RNF13: variants seen among roughly 807,000 people sequenced by gnomAD.
RNF13 encodes the protein ring finger protein 13.
Under a neutral mutation model 37.7 loss-of-function variants are expected in RNF13, and 19 were observed. The ratio of observed to expected loss-of-function variants is 0.50; its 90% CI spans 0.35 to 0.74. The LOEUF is 0.74. Among genes scored for constraint, RNF13 ranks in the 30% least tolerant of loss-of-function variants. The pLI, the probability that RNF13 is intolerant of heterozygous loss-of-function variation, is 0.01. For synonymous variants in RNF13, 144 were observed against 157.8 expected (o/e 0.91, Z 0.65); for missense variants, 375 against 453.0 (o/e 0.83, Z 1.56).
At position 149,961,343 on chromosome 3, in the gene RNF13, GAA is replaced by G. The variant is rs142207471; in HGVS notation, c.*241_*242del. The G allele has an allele frequency of 2.1e-3, 1,294 of 630,900 alleles. 11 individuals carry two copies. The African/African-American group carries it at 0.022, about 11-fold the overall frequency. 39.1% of individuals were successfully genotyped at this position (630,900 alleles called of 1,614,324 possible). ...ATCAATTCAGCTCTTCTTTTGGAAT[GAA>G]AGTATAGCCAAAACATAAAAAAAAA... On this transcript the variant is annotated 3_prime_UTR_variant, in exon 10 of 10. Transcript: ENST00000392894.
intron 7 of RNF13, among the ~76,000 whole-genome samples, chr3:149,920,243 T>A (rs1717979726): frequency 6.6e-6 from 1 of 152,174 alleles, no homozygotes; most frequent in African/African-American, 2.4e-5. Context: ...CATTTACTTA[T>A]TTATGTTTTG....
At chr3:149,863,877 A>G (rs1259456234) in intron 3 of RNF13, among the ~76,000 whole-genome samples, 1 of 152,164 alleles carries the variant, frequency 6.6e-6, no homozygotes, top group Non-Finnish European at 1.5e-5. Flanking sequence ...AATATTCTTT[A>G]CTGGGTTGTA....
chr3:149,892,863 C>T (rs1714857255), intron 4 of RNF13, among the ~76,000 whole-genome samples: 2 of 152,018 alleles, frequency 1.3e-5, no homozygotes, highest in African/African-American at 4.8e-5. Flanking sequence ...GTATAAGACA[C>T]TATATAAGAT....
chr3:149,843,022 G>A (rs558881030), intron 1 of RNF13, among the ~76,000 whole-genome samples: 6 of 152,238 alleles, frequency 3.9e-5, no homozygotes, highest in Non-Finnish European at 5.9e-5. Flanking sequence ...TTCGCCCTCC[G>A]TATCCATGGG....
At chr3:149,865,556 C>T (rs1724728919) in intron 3 of RNF13, among the ~76,000 whole-genome samples, 1 of 151,980 alleles carries the variant, frequency 6.6e-6, no homozygotes, top group Non-Finnish European at 1.5e-5. Flanking sequence ...GCCTTCCACT[C>T]CTGGCCTCAA....
rs1371258523 is a variant in RNF13, at chr3:149,827,248, A to C, written c.-17+13895A>C. ...TACACTGTATTCAGTATTATAACTA[A>C]TCTAGAGATGATTTAAAGTATATAG... On this transcript the variant is annotated intron_variant, in intron 1 of 9. Transcript: ENST00000392894. Among the ~76,000 whole-genome samples the C allele has an allele frequency of 2.0e-5, 3 of 152,286 alleles. No individual in the cohort carries two copies. In the East Asian group the frequency reaches 5.8e-4, roughly 29 times the overall value.
chr3:149,876,698 A>T (rs1394051662), intron 4 of RNF13, among the ~76,000 whole-genome samples: 2 of 144,560 alleles, frequency 1.4e-5, no homozygotes, highest in African/African-American at 5.2e-5. Context: ...ATCTGACTTT[A>T]TTTTAAATCT....
rs773650862 is a variant in RNF13, at chr3:149,960,741, T to G, written c.783T>G (p.Ala261=). The stretch of plus-strand genomic sequence containing the variant: ...AAGATGTATATTTTGCTTCAACAGC[T>G]TATCACTGCAAGTGTGTAGACCCTT... ...DKLRILPCSH[A]YHCKCVDPWL... Residue 261 remains alanine, a splice_region_variant and synonymous_variant, in exon 10 of 10, where the codon GCT becomes GCG. Transcript: ENST00000392894. 1 of 1,598,980 alleles carries G rather than the reference T, an allele frequency of 6.3e-7. No homozygotes were observed. The highest frequency in any genetic ancestry group is 1.8e-5 in the Admixed American group (1 of 56,188).
chr3:149,939,780 GTCCAT>G (rs940477344), intron 8 of RNF13: 25 of 595,254 alleles, frequency 4.2e-5, no homozygotes, highest in Non-Finnish European at 7.7e-5. Context: ...TCATGTCCAT[GTCCAT>G]CAAATCTTCC....
At chr3:149,949,100 T>C (rs1278017653) in intron 8 of RNF13, among the ~76,000 whole-genome samples, 1 of 152,178 alleles carries the variant, frequency 6.6e-6, no homozygotes, top group Admixed American at 6.5e-5. Context: ...CAGGATTCTA[T>C]ATTTGTCTAT....
At chr3:149,866,666 A>G (rs1711497452) in intron 3 of RNF13, among the ~76,000 whole-genome samples, 1 of 152,206 alleles carries the variant, frequency 6.6e-6, no homozygotes, top group African/African-American at 2.4e-5. Flanking sequence ...CACCTCTGAC[A>G]TGTTTATTAC....
rs1378530513 is a variant in RNF13 at position 149,912,056 on chromosome 3, C to A, written c.579C>A (p.Ile193=). The change falls in exon 7 of 10, where the codon ATC becomes ATA. Residue 193 remains isoleucine, a synonymous_variant. Transcript: ENST00000392894. ...TTCCCTTCCTTATCATAGTGGGCAT[C>A]TGTCTCATCTTGATAGTCATTTTCA... The part of the protein sequence containing the change: ...YLIPFLIIVG[I]CLILIVIFMI... The A allele has an allele frequency of 6.4e-7, 1 of 1,572,282 alleles. No homozygotes were observed. Among genetic ancestry groups the A allele is most frequent in the South Asian group, 1.1e-5 (1 of 89,396 alleles).
chr3:149,918,168 C>T (rs779536670), intron 7 of RNF13, among the ~76,000 whole-genome samples: 1 of 152,086 alleles, frequency 6.6e-6, no homozygotes, highest in South Asian at 2.1e-4. Flanking sequence ...TCAGTTAATA[C>T]AAATATATGA....
chr3:149,861,121 G>T (rs1038169566), intron 3 of RNF13, among the ~76,000 whole-genome samples: 2 of 151,956 alleles, frequency 1.3e-5, no homozygotes, highest in Non-Finnish European at 2.9e-5. Flanking sequence ...ACAGATTTTG[G>T]CAAGGATTCA....
intron 6 of RNF13, among the ~76,000 whole-genome samples, chr3:149,903,155 T>C (rs1470359029): frequency 6.6e-6 from 1 of 152,150 alleles, no homozygotes; most frequent in Non-Finnish European, 1.5e-5. Context: ...TCACATATTA[T>C]ATGCTCAGAA....
At chr3:149,910,095 A>G (rs199821652) in intron 6 of RNF13, among the ~76,000 whole-genome samples, 1 of 152,226 alleles carries the variant, frequency 6.6e-6, no homozygotes, top group African/African-American at 2.4e-5. Flanking sequence ...GCTGTGGGGT[A>G]GGGAGGTTAT....
At chr3:149,957,910 C>G (rs974958827) in intron 8 of RNF13, among the ~76,000 whole-genome samples, 1 of 152,142 alleles carries the variant, frequency 6.6e-6, no homozygotes, top group African/African-American at 2.4e-5. Flanking sequence ...CATCACAAGT[C>G]CAAGGCCATA....
chr3:149,827,665 ATAGAAAGT>A (rs1720640605), intron 1 of RNF13, among the ~76,000 whole-genome samples: 1 of 152,234 alleles, frequency 6.6e-6, no homozygotes, highest in Non-Finnish European at 1.5e-5. Flanking sequence ...TTATAGTGTG[ATAGAAAGT>A]CATATTATAA....
intron 1 of RNF13, among the ~76,000 whole-genome samples, chr3:149,835,962 T>G (rs1383156924): frequency 6.6e-6 from 1 of 152,144 alleles, no homozygotes; most frequent in Admixed American, 6.6e-5. Flanking sequence ...TTAAGGAATC[T>G]CCACATTGTT....
Sources: allele counts gnomAD v4.1 joint callset (sites outside exome capture counted in the v4.1 genomes callset), GRCh38; gene constraint gnomAD v4.1.1; transcripts MANE v1.5; gene names NCBI Gene and HGNC (gene_info 2026-07-23, HGNC 2026-07-21).